The following CPED1 variants were observed in gnomAD, a reference collection of about 807,000 sequenced individuals.
CPED1 encodes the protein cadherin-like and PC-esterase domain-containing protein 1.
Under a neutral mutation model 128.2 loss-of-function variants are expected in CPED1, and 114 were observed. The ratio of observed to expected loss-of-function variants is 0.89; its 90% CI spans 0.76 to 1.04. CPED1 has a LOEUF of 1.04. CPED1 is among the 50% of genes least tolerant of loss of function. CPED1 has a pLI of 0.00. For synonymous variants in CPED1, 462 were observed against 426.7 expected (o/e 1.08, Z -1.02); for missense variants, 1,211 against 1,207.1 (o/e 1.00, Z -0.05).
chr7:121,288,324 T>G (rs1248114514), intron 22 of CPED1, among the ~76,000 whole-genome samples: 1 of 152,162 alleles, frequency 6.6e-6, no homozygotes, highest in Non-Finnish European at 1.5e-5. Flanking sequence ...GTGAATTAAG[T>G]GTTGTTGGGC....
At chr7:121,064,657 G>A (rs969154318) in intron 5 of CPED1, among the ~76,000 whole-genome samples, 6 of 152,068 alleles carry the variant, frequency 3.9e-5, no homozygotes, top group Admixed American at 1.3e-4. Context: ...TTTTATCAAA[G>A]TATATATTTC....
At position 120,997,198 on chromosome 7, in the gene CPED1, G is replaced by A. The variant is rs1363878626; in HGVS notation, c.249+7328G>A. Among the ~76,000 whole-genome samples, 13 of 152,236 alleles carry A rather than the reference G, an allele frequency of 8.5e-5. 1 individual carries two copies. The highest frequency in any genetic ancestry group is 8.5e-4 in the Admixed American group (13 of 15,286). On this transcript the variant is annotated intron_variant, in intron 2 of 22. Coordinates refer to ENST00000310396, the MANE Select transcript of CPED1 (RefSeq NM_024913.5). ...AGCCCTTATCTCCATAAGTGGATGT[G>A]TGCTTAAACATCCCTAATAAAACTT... is the stretch of plus-strand genomic sequence containing the variant.
intron 3 of CPED1, among the ~76,000 whole-genome samples, chr7:121,028,243 T>A (rs1435131629): frequency 6.6e-6 from 1 of 152,146 alleles, no homozygotes; most frequent in African/African-American, 2.4e-5. Context: ...CAGGTAATGG[T>A]AATATGCTGG....
chr7:121,034,721 A>G (rs1792841211), intron 3 of CPED1, among the ~76,000 whole-genome samples: 1 of 152,182 alleles, frequency 6.6e-6, no homozygotes, highest in Non-Finnish European at 1.5e-5. Context: ...TTACTTGTAT[A>G]TACCAATCAT....
rs564318516 is a variant in CPED1, at chr7:121,154,649, G to A, written c.2055+12508G>A. On this transcript the variant is annotated intron_variant, in intron 16 of 22. Transcript: ENST00000310396. ...CAACCTCCAGCTCCCTGGTTCAAGC[G>A]ATTCTCCTGCCTCAGCCTCCTGAGT... 1.6e-4 allele frequency among the ~76,000 whole-genome samples: 24 copies of A among 152,102 alleles called. No homozygotes were observed. The East Asian group carries it at 3.9e-3, about 25-fold the overall frequency.
chr7:121,274,390 A>G (rs1423352413), intron 22 of CPED1, among the ~76,000 whole-genome samples: 1 of 152,114 alleles, frequency 6.6e-6, no homozygotes, highest in Non-Finnish European at 1.5e-5. Flanking sequence ...TTGACTTTAT[A>G]GTTTTTGGTG....
chr7:121,225,984 C>G (rs55694614), intron 16 of CPED1, among the ~76,000 whole-genome samples: 59,985 of 152,028 alleles, frequency 0.39, 12,374 homozygotes, highest in Middle Eastern at 0.51. Context: ...CTTCTGTCAA[C>G]TCATTAAAGT....
chr7:121,085,372 T>A (rs888930124), intron 5 of CPED1, among the ~76,000 whole-genome samples: 14 of 152,180 alleles, frequency 9.2e-5, no homozygotes, highest in African/African-American at 3.4e-4. Flanking sequence ...CCTGAATAAG[T>A]AAAAAATAAA....
intron 5 of CPED1, among the ~76,000 whole-genome samples, chr7:121,094,620 G>A (rs1563023241): frequency 6.6e-6 from 1 of 152,172 alleles, no homozygotes; most frequent in Non-Finnish European, 1.5e-5. Context: ...GATATGGGAA[G>A]TTCAGAAGAT....
At chr7:121,249,791 C>T (rs528919588) in intron 18 of CPED1, among the ~76,000 whole-genome samples, 1 of 152,132 alleles carries the variant, frequency 6.6e-6, no homozygotes, top group Non-Finnish European at 1.5e-5. Flanking sequence ...TATATATGCA[C>T]CCAATACAGG....
chr7:121,256,970 C>A (rs1487399505), intron 18 of CPED1, among the ~76,000 whole-genome samples: 2 of 151,914 alleles, frequency 1.3e-5, no homozygotes, highest in Non-Finnish European at 2.9e-5. Flanking sequence ...AACACAGGAA[C>A]AGAAAATAAA....
At chr7:121,139,062 C>T (rs895557248) in intron 14 of CPED1, among the ~76,000 whole-genome samples, 2 of 152,004 alleles carry the variant, frequency 1.3e-5, no homozygotes, top group Admixed American at 6.6e-5. Context: ...CAATTTCTGC[C>T]TTCATTCTTT....
chr7:121,000,751 TA>T (rs1274001100), intron 2 of CPED1, among the ~76,000 whole-genome samples: 2 of 152,164 alleles, frequency 1.3e-5, no homozygotes, highest in African/African-American at 2.4e-5. Flanking sequence ...CTGTTAAGTA[TA>T]TTGAATAAGA....
chr7:121,254,168 A>G (rs1171458068), intron 18 of CPED1, among the ~76,000 whole-genome samples: 1 of 152,076 alleles, frequency 6.6e-6, no homozygotes, highest in Non-Finnish European at 1.5e-5. Flanking sequence ...AACATAAAGC[A>G]AATCTCAACA....
intron 6 of CPED1, among the ~76,000 whole-genome samples, chr7:121,098,215 A>G (rs1005400): frequency 0.55 from 82,828 of 151,782 alleles, 23,270 homozygotes; most frequent in East Asian, 0.83. Context: ...GGCTCTTAGC[A>G]TCTAAGAAAG....
At chr7:121,225,476 G>A (rs1797983707) in intron 16 of CPED1, among the ~76,000 whole-genome samples, 1 of 152,098 alleles carries the variant, frequency 6.6e-6, no homozygotes. Flanking sequence ...TCTTCTTGAG[G>A]AGTATCTTTG....
intron 18 of CPED1, chr7:121,262,065 A>G (rs952075946): frequency 3.5e-6 from 1 of 282,258 alleles, no homozygotes; most frequent in Non-Finnish European, 6.7e-6. Flanking sequence ...GTAATTACTC[A>G]CAGTAATTAA....
intron 4 of CPED1, among the ~76,000 whole-genome samples, chr7:121,047,948 C>T (rs1463058121): frequency 1.3e-5 from 2 of 151,952 alleles, no homozygotes; most frequent in Admixed American, 6.6e-5. Flanking sequence ...CTTCGCGATC[C>T]GCCCGCTTCG....
Position 121,074,509 on chromosome 7 carries a change from G to GTT in CPED1, c.616+10213_616+10214dup, listed in dbSNP as rs1157885862. 1.1e-3 allele frequency among the ~76,000 whole-genome samples: 88 copies of GTT among 80,848 alleles called. 3 individuals are homozygous for GTT. Among genetic ancestry groups the GTT allele is most frequent in the African/African-American group, 3.4e-3 (75 of 22,032 alleles). The allele number at this position is 80,848 out of a possible 152,430, so 53.0% of individuals were successfully genotyped here. A position where few individuals can be genotyped will look rare whatever the true frequency, so the allele number is the denominator to read the frequency against. On this transcript the variant is annotated intron_variant, in intron 5 of 22. Transcript: ENST00000310396. ...TTCCTTACTAATAAATTTCCTTTGT[G>GTT]TTTTTTTTTTTTTTTTTTGAGGGCA... is the stretch of plus-strand genomic sequence containing the variant.
Sources: gnomAD v4.1 joint callset for allele counts (sites outside exome capture counted in the v4.1 genomes callset) on GRCh38, gnomAD v4.1.1 for gene constraint, MANE v1.5 for transcripts, NCBI Gene and HGNC (gene_info 2026-07-23, HGNC 2026-07-21) for gene names.